The following ABCC4 variants were observed in gnomAD, a reference collection of about 807,000 sequenced individuals.
ABCC4 encodes ATP-binding cassette sub-family C member 4.
ABCC4 carries 102 observed loss-of-function variants against 168.5 expected under a neutral mutation model. The observed-to-expected ratio is 0.61, with a 90% CI of 0.52 to 0.71. The LOEUF is 0.71. Ranked by LOEUF, ABCC4 falls within the 30% of genes least tolerant of loss-of-function variation. The pLI, the probability that ABCC4 is intolerant of heterozygous loss-of-function variation, is 0.00. For missense variants in ABCC4, 1,402 were observed against 1,605.8 expected, an observed-to-expected ratio of 0.87 and a Z score of 2.17; for synonymous variants, 617 against 590.7, an observed-to-expected ratio of 1.04 and a Z score of -0.65.
chr13:95,258,774 G>C (rs1219636237), intron 1 of ABCC4, among the ~76,000 whole-genome samples: 1 of 152,144 alleles, frequency 6.6e-6, no homozygotes, highest in African/African-American at 2.4e-5. Flanking sequence ...CAGGAGAAGG[G>C]GAATGTGCAG....
chr13:95,083,743 G>C (rs1325137735), intron 20 of ABCC4, among the ~76,000 whole-genome samples: 2 of 151,896 alleles, frequency 1.3e-5, no homozygotes, highest in Non-Finnish European at 2.9e-5. Context: ...GGCTGGTCTC[G>C]AACTCCCGAT....
chr13:95,204,674 T>C (rs1245949409), intron 8 of ABCC4, among the ~76,000 whole-genome samples: 1 of 152,204 alleles, frequency 6.6e-6, no homozygotes, highest in Non-Finnish European at 1.5e-5. Context: ...AAGTTCTTTA[T>C]AGCAATATAA....
chr13:95,225,044 A>T (rs2039415484), intron 4 of ABCC4, among the ~76,000 whole-genome samples: 1 of 152,012 alleles, frequency 6.6e-6, no homozygotes, highest in African/African-American at 2.4e-5. Flanking sequence ...CAAAAAGTTC[A>T]TGATTAAGGA....
chr13:95,058,946 T>C (rs2033179589), intron 26 of ABCC4, among the ~76,000 whole-genome samples: 1 of 152,210 alleles, frequency 6.6e-6, no homozygotes, highest in Non-Finnish European at 1.5e-5. Flanking sequence ...GAAATCACTT[T>C]TGTGACTCAT....
chr13:95,094,134 C>A (rs1284094147), intron 20 of ABCC4, among the ~76,000 whole-genome samples: 4 of 151,834 alleles, frequency 2.6e-5, no homozygotes, highest in Non-Finnish European at 5.9e-5. Flanking sequence ...AATGCAATTC[C>A]CATCAAAATA....
At chr13:95,293,531 A>G (rs1233589902) in intron 1 of ABCC4, among the ~76,000 whole-genome samples, 1 of 150,994 alleles carries the variant, frequency 6.6e-6, no homozygotes, top group Non-Finnish European at 1.5e-5. Context: ...CAGTGGCGTG[A>G]TCTTGGCTCA....
intron 27 of ABCC4, among the ~76,000 whole-genome samples, chr13:95,050,487 C>T (rs748009859): frequency 1.9e-4 from 29 of 152,164 alleles, no homozygotes; most frequent in African/African-American, 5.8e-4. Flanking sequence ...TACCCCCAAA[C>T]GAGCAATGTA....
intron 26 of ABCC4, 36 bp downstream of exon 26, chr13:95,062,668 T>C (rs950505445): frequency 1.9e-6 from 3 of 1,569,454 alleles, no homozygotes; most frequent in African/African-American, 1.4e-5. Flanking sequence ...GTAGCTCTTA[T>C]AAAAGGGGCA....
intron 1 of ABCC4, chr13:95,266,182 G>A (rs1186012769): frequency 2.6e-5 from 4 of 152,216 alleles, no homozygotes; most frequent in African/African-American, 9.7e-5. Flanking sequence ...TGAGGATGTT[G>A]GAGTGAAGAC....
Position 95,261,988 on chromosome 13 carries a change from T to C in ABCC4, c.75-14235A>G, listed in dbSNP as rs571109225. Among the ~76,000 whole-genome samples the C allele has an allele frequency of 5.9e-5, 9 of 152,148 alleles. No individual in the cohort carries two copies. The East Asian group carries it at 1.2e-3, about 20-fold the overall frequency. Reference sequence around the variant, plus strand: ...GCACAGTGGCACACACCTGTAGTCCTAGCCACTCTGGAGGCTGAGGTAGGA... The same window carrying C: ...GCACAGTGGCACACACCTGTAGTCCCAGCCACTCTGGAGGCTGAGGTAGGA... On this transcript the variant is annotated intron_variant, in intron 1 of 30. Transcript: ENST00000645237.
At chr13:95,274,636 G>A (rs747615545) in intron 1 of ABCC4, among the ~76,000 whole-genome samples, 2 of 152,174 alleles carry the variant, frequency 1.3e-5, no homozygotes, top group Admixed American at 6.5e-5. Context: ...TCCTACAGGG[G>A]GGACCAAGAC....
intron 1 of ABCC4, among the ~76,000 whole-genome samples, chr13:95,259,974 T>G (rs7325861): frequency 0.092 from 13,814 of 149,910 alleles, 1,484 homozygotes; most frequent in African/African-American, 0.26. Flanking sequence ...TACAGCAGAG[T>G]TTCTCAAAGT....
intron 9 of ABCC4, among the ~76,000 whole-genome samples, chr13:95,189,699 CCTG>C (rs1251734249): frequency 6.6e-6 from 1 of 152,106 alleles, no homozygotes; most frequent in Non-Finnish European, 1.5e-5. Flanking sequence ...GGTGGTCAAC[CCTG>C]TAACCAAGAG....
At chr13:95,073,969 T>C (rs2033814098) in intron 23 of ABCC4, among the ~76,000 whole-genome samples, 1 of 152,156 alleles carries the variant, frequency 6.6e-6, no homozygotes, top group African/African-American at 2.4e-5. Flanking sequence ...ACAGGAATGT[T>C]CAGAATCTCA....
At chr13:95,215,246 A>G (rs930205761) in intron 4 of ABCC4, among the ~76,000 whole-genome samples, 34 of 152,104 alleles carry the variant, frequency 2.2e-4, no homozygotes, top group Admixed American at 1.2e-3. Context: ...CACAAAAAAT[A>G]TAACAATTCT....
chr13:95,203,699 C>A (rs1286019871), intron 8 of ABCC4, among the ~76,000 whole-genome samples: 1 of 151,948 alleles, frequency 6.6e-6, no homozygotes, highest in Admixed American at 6.6e-5. Flanking sequence ...CCCTCTCTTA[C>A]AAGAGCAGGT....
intron 9 of ABCC4, among the ~76,000 whole-genome samples, chr13:95,189,070 G>A (rs1013691754): frequency 7.2e-4 from 86 of 118,834 alleles, no homozygotes; most frequent in Non-Finnish European, 1.5e-4. Context: ...GACAAGCCCC[G>A]TATGTGTAAT....
At chr13:95,069,479 T>C (rs555345087) in intron 25 of ABCC4, among the ~76,000 whole-genome samples, 1 of 152,296 alleles carries the variant, frequency 6.6e-6, no homozygotes, top group South Asian at 2.1e-4. Flanking sequence ...AAATTGATCA[T>C]TGTAATCACT....
chr13:95,191,967 GCCCAT>G (rs575991362), intron 9 of ABCC4, among the ~76,000 whole-genome samples: 306 of 152,328 alleles, frequency 2.0e-3, no homozygotes, highest in Non-Finnish European at 3.7e-3. Flanking sequence ...AGAAGGCTAG[GCCCAT>G]TCCCTCTGGG....
Sources: allele counts gnomAD v4.1 joint callset (sites outside exome capture counted in the v4.1 genomes callset), GRCh38; gene constraint gnomAD v4.1.1; transcripts MANE v1.5; gene names NCBI Gene and HGNC (gene_info 2026-07-23, HGNC 2026-07-21).